The following RAPGEF4 variants were observed in gnomAD, a reference collection of about 807,000 sequenced individuals.
The protein encoded by RAPGEF4 is Rap guanine nucleotide exchange factor 4, also known as RAP guanine-nucleotide-exchange factor (GEF) 4.
In RAPGEF4, 66 loss-of-function variants were observed where a neutral mutation model predicts 147.9. That is an observed-to-expected ratio of 0.45 (90% CI 0.37 to 0.55). RAPGEF4 has a LOEUF of 0.55. Among genes scored for constraint, RAPGEF4 ranks in the 20% least tolerant of loss-of-function variants. The pLI is 0.00. For missense variants in RAPGEF4, 1,071 were observed against 1,257.3 expected, an observed-to-expected ratio of 0.85 and a Z score of 2.24; for synonymous variants, 419 against 442.7, an observed-to-expected ratio of 0.95 and a Z score of 0.67.
chr2:172,852,612 C>A (rs960457771), intron 4 of RAPGEF4, among the ~76,000 whole-genome samples: 3 of 152,202 alleles, frequency 2.0e-5, no homozygotes, highest in Non-Finnish European at 1.5e-5. Flanking sequence ...TCTTTCTAAT[C>A]TTTATGCCTC....
intron 6 of RAPGEF4, among the ~76,000 whole-genome samples, chr2:172,924,779 G>T (rs1236460475): frequency 6.6e-6 from 1 of 152,036 alleles, no homozygotes; most frequent in Non-Finnish European, 1.5e-5. Flanking sequence ...ACTACATGCT[G>T]GGCAATATTA....
chr2:172,780,803 A>G (rs1684611684), intron 1 of RAPGEF4, among the ~76,000 whole-genome samples: 1 of 152,174 alleles, frequency 6.6e-6, no homozygotes, highest in Admixed American at 6.5e-5. Flanking sequence ...ATAATTTTAC[A>G]CATGTGCAAG....
intron 6 of RAPGEF4, among the ~76,000 whole-genome samples, chr2:172,949,514 C>T (rs1052473431): frequency 6.6e-6 from 1 of 152,130 alleles, no homozygotes; most frequent in African/African-American, 2.4e-5. Context: ...TCAGTTGTTT[C>T]ATCTGATGCA....
At chr2:172,772,890 C>T (rs1256074232) in intron 1 of RAPGEF4, among the ~76,000 whole-genome samples, 2 of 152,198 alleles carry the variant, frequency 1.3e-5, no homozygotes, top group African/African-American at 2.4e-5. Context: ...GGGTTGCTAA[C>T]AGTGAATCAC....
intron 24 of RAPGEF4, 75 bp from the exon 25 acceptor site, chr2:173,027,006 C>T (rs1046538512): frequency 1.5e-6 from 2 of 1,348,216 alleles, no homozygotes; most frequent in Non-Finnish European, 2.0e-6. Context: ...AAAACACTGT[C>T]TTGACAAATA....
intron 4 of RAPGEF4, among the ~76,000 whole-genome samples, chr2:172,819,501 T>G (rs1179956170): frequency 1.5e-5 from 2 of 137,242 alleles, no homozygotes; most frequent in African/African-American, 5.5e-5. Context: ...AGTCTCGCTC[T>G]GTCGCCCAGG....
intron 4 of RAPGEF4, among the ~76,000 whole-genome samples, chr2:172,832,238 C>T (rs894862094): frequency 3.3e-5 from 5 of 152,100 alleles, no homozygotes; most frequent in East Asian, 3.9e-4. Flanking sequence ...GATCTATGAT[C>T]GTCTGAGGTA....
chr2:173,011,952 TA>T (rs1206678475), intron 17 of RAPGEF4, among the ~76,000 whole-genome samples: 3 of 152,178 alleles, frequency 2.0e-5, no homozygotes, highest in Non-Finnish European at 4.4e-5. Context: ...ACCAGCTCAG[TA>T]AAAGCTTCCC....
At chr2:172,834,591 T>C (rs1178362538) in intron 4 of RAPGEF4, among the ~76,000 whole-genome samples, 7 of 152,206 alleles carry the variant, frequency 4.6e-5, no homozygotes, top group African/African-American at 1.7e-4. Flanking sequence ...GTTTATAAAA[T>C]CCCAAGCAAC....
At chr2:172,874,750 C>T (rs1409071528) in intron 4 of RAPGEF4, among the ~76,000 whole-genome samples, 13 of 152,086 alleles carry the variant, frequency 8.5e-5, no homozygotes, top group South Asian at 4.1e-4. Context: ...TATAATCCTT[C>T]GGGTATATAC....
chr2:172,797,521 C>G lies in RAPGEF4; in HGVS notation c.209-4C>G, dbSNP rs780175425. 3.7e-6 allele frequency: 6 copies of G among 1,607,852 alleles called. No homozygotes were observed. Among genetic ancestry groups the G allele is most frequent in the Admixed American group, 1.7e-5 (1 of 59,190 alleles). ...ATATTTATATCACAATTTTTTTTTC[C>G]CAGTATTTCGCCAGGGTGATATTGG... On this transcript the variant is annotated splice_polypyrimidine_tract_variant and splice_region_variant and intron_variant, in intron 2 of 30. Coordinates refer to ENST00000397081, the MANE Select transcript of RAPGEF4 (RefSeq NM_007023.4).
At position 172,922,268 on chromosome 2, in the gene RAPGEF4, T is replaced by C. The variant is rs769315831; in HGVS notation, c.518-13T>C. On this transcript the variant is annotated splice_polypyrimidine_tract_variant and intron_variant, in intron 5 of 30. Transcript: ENST00000397081. ...AATTCATGGCCTCTCTCTGTCTCTT[T>C]TTCCTCCTTTAGGGATTCCTGACAA... 4 of 1,607,110 alleles carry C rather than the reference T, an allele frequency of 2.5e-6. No individual in the cohort carries two copies. Among genetic ancestry groups the C allele is most frequent in the African/African-American group, 2.7e-5 (2 of 74,788 alleles).
At chr2:173,039,384 G>A (rs943554004) in intron 29 of RAPGEF4, among the ~76,000 whole-genome samples, 2 of 151,770 alleles carry the variant, frequency 1.3e-5, no homozygotes, top group African/African-American at 2.4e-5. Context: ...AGAATGGCAT[G>A]AACCCAGGGG....
chr2:172,974,931 G>A (rs904750084), intron 10 of RAPGEF4, among the ~76,000 whole-genome samples: 2 of 152,044 alleles, frequency 1.3e-5, no homozygotes, highest in African/African-American at 2.4e-5. Context: ...TGTATTGTCA[G>A]GAGCAGAATC....
intron 4 of RAPGEF4, 143 bp downstream of exon 4, chr2:172,814,568 G>A: frequency 6.7e-6 from 7 of 1,043,996 alleles, no homozygotes; most frequent in African/African-American, 1.6e-5. Flanking sequence ...ACTTGTTTTT[G>A]AAATGAGTGA....
intron 1 of RAPGEF4, among the ~76,000 whole-genome samples, chr2:172,790,404 C>A (rs1298809560): frequency 6.6e-6 from 1 of 152,034 alleles, no homozygotes; most frequent in African/African-American, 2.4e-5. Flanking sequence ...TTATAAAAGG[C>A]CCTGGATATT....
chr2:172,903,167 G>A (rs542174958), intron 4 of RAPGEF4, among the ~76,000 whole-genome samples: 30 of 152,120 alleles, frequency 2.0e-4, no homozygotes, highest in African/African-American at 4.6e-4. Context: ...TCAGGAGATC[G>A]AGATCAGCCT....
At chr2:172,922,948 G>A (rs979060648) in intron 6 of RAPGEF4, among the ~76,000 whole-genome samples, 1 of 152,176 alleles carries the variant, frequency 6.6e-6, no homozygotes, top group Admixed American at 6.5e-5. Flanking sequence ...AAGGGTTAAC[G>A]ATAGGAGTAT....
At position 173,036,027 on chromosome 2, in the gene RAPGEF4, G is replaced by A. The variant is rs565031663; in HGVS notation, c.2701-98G>A. 3.1e-5 allele frequency: 28 copies of A among 889,726 alleles called. No individual in the cohort carries two copies. The African/African-American group carries it at 3.6e-4, about 12-fold the overall frequency. The allele number at this position is 889,726 out of a possible 1,614,324, so 55.1% of individuals were successfully genotyped here. On this transcript the variant is annotated intron_variant, in intron 27 of 30. Transcript: ENST00000397081. ...AACCTGTGTTGTTCAAAGGTCAACT[G>A]TACCTGATTGTGGGGTGAAAGGCAG...
Sources: gnomAD v4.1 joint callset for allele counts (sites outside exome capture counted in the v4.1 genomes callset) on GRCh38, gnomAD v4.1.1 for gene constraint, MANE v1.5 for transcripts, NCBI Gene and HGNC (gene_info 2026-07-23, HGNC 2026-07-21) for gene names.